Variants in HPS3 observed in about 807,000 individuals in gnomAD.
HPS3 encodes the protein HPS3 biogenesis of lysosomal organelles complex 2 subunit 1, also known as BLOC-2 complex member HPS3.
In HPS3, 79 loss-of-function variants were observed where a neutral mutation model predicts 110.9. The observed-to-expected ratio is 0.71, with a 90% CI of 0.59 to 0.86. The LOEUF (loss-of-function observed/expected upper bound fraction) is 0.86. Ranked by LOEUF, HPS3 falls within the 40% of genes least tolerant of loss-of-function variation. HPS3 has a pLI of 0.00. For missense variants in HPS3, 1,197 were observed against 1,206.2 expected (o/e 0.99, Z 0.11); for synonymous variants, 428 against 451.0 (o/e 0.95, Z 0.65).
In HPS3 at chr3:149,140,093, C is replaced by T. The variant is rs541164156; in HGVS notation, c.307C>T (p.Arg103Cys). The T allele has an allele frequency of 1.4e-5, 22 of 1,613,104 alleles. No homozygotes were observed. The highest frequency in any genetic ancestry group is 5.3e-5 in the African/African-American group (4 of 74,938). The part of the protein sequence containing the change: ...NWRNKRTENS[R>C]VCIRMIGHNV... Reference sequence around the variant, plus strand: ...GAGAAATAAAAGGACTGAAAACTCTCGTGTGTGTATCCGAATGATTGGGCA... The same window carrying T: ...GAGAAATAAAAGGACTGAAAACTCTTGTGTGTGTATCCGAATGATTGGGCA... The change falls in exon 2 of 17, where the codon CGT becomes TGT. Residue 103 changes from arginine (R) to cysteine (C), a missense_variant. Coordinates refer to ENST00000296051, the MANE Select transcript of HPS3 (RefSeq NM_032383.5).
rs1301856469 is a variant in HPS3 at position 149,158,711 on chromosome 3, G to A, written c.1737G>A (p.Met579Ile). 1.5e-5 allele frequency: 24 copies of A among 1,613,660 alleles called. No homozygotes were observed. Among genetic ancestry groups the A allele is most frequent in the Non-Finnish European group, 1.7e-5 (20 of 1,179,784 alleles). The change falls in exon 10 of 17, where the codon ATG (methionine) becomes ATA (isoleucine). Residue 579 changes from methionine to isoleucine, a missense_variant. Physicochemically the swap from Met to Ile is conservative, Grantham distance 10 (BLOSUM62 1). Transcript: ENST00000296051. ...HSHLTLPYYK[M>I]SGLSMAEVLA... ...ATCTCACCTTGCCATACTATAAGAT[G>A]TCTGGTTTGTCTATGGCTGAAGTTC...
intron 5 of HPS3, among the ~76,000 whole-genome samples, chr3:149,149,378 G>T (rs896075338): frequency 1.3e-5 from 2 of 151,958 alleles, no homozygotes; most frequent in South Asian, 4.1e-4. Context: ...CTCTCTCTCA[G>T]TTTACTTCCC....
At position 149,163,922 on chromosome 3, in the gene HPS3, T is replaced by C. The variant is rs139697700; in HGVS notation, c.2562T>C (p.Asn854=). 194 of 1,555,672 alleles carry C rather than the reference T, an allele frequency of 1.2e-4. No homozygotes were observed. The highest frequency in any genetic ancestry group is 9.9e-5 in the Non-Finnish European group (112 of 1,126,792). ...CATCTGATTCTTTAGCTGATAAAAA[T>C]TATACAGAAGATCTTTCAAAATTAC... is the stretch of plus-strand genomic sequence containing the variant. ...VISSDSLADK[N]YTEDLSKLQS... is the part of the protein sequence containing the mutation. Residue 854 remains asparagine, a synonymous_variant, in exon 14 of 17, where the codon AAT becomes AAC. Coordinates refer to ENST00000296051, the MANE Select transcript of HPS3 (RefSeq NM_032383.5).
chr3:149,153,289 C>T (rs1576681380), intron 6 of HPS3, among the ~76,000 whole-genome samples: 1 of 152,124 alleles, frequency 6.6e-6, no homozygotes, highest in Admixed American at 6.5e-5. Context: ...ATGGAATACA[C>T]TATTGGTTAC....
In HPS3 at chr3:149,140,251, A is replaced by C; in HGVS notation, c.465A>C (p.Lys155Asn). 1 of 1,614,226 alleles carries C rather than the reference A, an allele frequency of 6.2e-7. No individual in the cohort carries two copies. The highest frequency in any genetic ancestry group is 8.5e-7 in the Non-Finnish European group (1 of 1,180,016). The change falls in exon 2 of 17, where the codon AAA (lysine) becomes AAC (asparagine). Residue 155 changes from lysine to asparagine, a missense_variant. Lys to Asn is a moderately conservative substitution (Grantham distance 94, BLOSUM62 0). Coordinates refer to ENST00000296051, the MANE Select transcript of HPS3 (RefSeq NM_032383.5). ...KGDLLVGCTN[K>N]LVLFSLKYQI... ...ACCTTCTCGTTGGCTGCACAAATAA[A>C]TTAGTCTTATTTAGTTTGAAGTACC...
Position 149,162,694 on chromosome 3 carries a change from T to C in HPS3, c.2297T>C (p.Leu766Pro). ...IEEADSFFKV[L>P]CAKDEDTIPQ... The stretch of plus-strand genomic sequence containing the variant: ...GCTCCTTTTACTGTTTTTAAGGTGC[T>C]TTGTGCTAAGGATGAAGATACAATT... Residue 766 changes from leucine to proline, a missense_variant, in exon 13 of 17, where the codon CTT (leucine) becomes CCT (proline). Leu to Pro is a moderately conservative substitution (Grantham distance 98). Coordinates refer to ENST00000296051, the MANE Select transcript of HPS3 (RefSeq NM_032383.5). 3.7e-6 allele frequency: 6 copies of C among 1,614,018 alleles called. No homozygotes were observed. The highest frequency in any genetic ancestry group is 5.1e-6 in the Non-Finnish European group (6 of 1,179,924).
At chr3:149,141,531 GTTTTTTTTTTTTTTTTT>G (rs10718838) in intron 4 of HPS3, 151 bp downstream of exon 4, 1 of 360,914 alleles carries the variant, frequency 2.8e-6, no homozygotes, top group Admixed American at 4.9e-5. Flanking sequence ...TTTTTTTTTT[GTTTTTTTTTTTTTTTTT>G]TTTTGAGACT....
At position 149,172,336 on chromosome 3, in the gene HPS3, A is replaced by T; in HGVS notation, c.*114A>T. 4.3e-6 allele frequency: 3 copies of T among 696,800 alleles called. No individual in the cohort carries two copies. The highest frequency in any genetic ancestry group is 1.6e-5 in the South Asian group (1 of 61,700). The allele number at this position is 696,800 out of a possible 1,614,324, so 43.2% of individuals were successfully genotyped here. On this transcript the variant is annotated 3_prime_UTR_variant, in exon 17 of 17. Coordinates refer to ENST00000296051, the MANE Select transcript of HPS3 (RefSeq NM_032383.5). ...TTATATATCACACACACACACACAC[A>T]CACACACACACACACACACATATAT...
Position 149,157,536 on chromosome 3 carries a change from G to A in HPS3, c.1691+5G>A, listed in dbSNP as rs570420255. 4 of 1,613,260 alleles carry A rather than the reference G, an allele frequency of 2.5e-6. No individual in the cohort carries two copies. The highest frequency in any genetic ancestry group is 4.5e-5 in the East Asian group (2 of 44,868). On this transcript the variant is annotated splice_donor_5th_base_variant and intron_variant, in intron 9 of 16. Coordinates refer to ENST00000296051, the MANE Select transcript of HPS3 (RefSeq NM_032383.5). ...CCTTGGGGACTGTTACAGCAGGTGG[G>A]TGACACCTCTTGGAACCTTGTTACA...
Position 149,129,798 on chromosome 3 carries a change from C to T in HPS3, c.75C>T (p.Phe25=), listed in dbSNP as rs2108111962. Residue 25 remains phenylalanine, a synonymous_variant, in exon 1 of 17, where the codon TTC becomes TTT. Transcript: ENST00000296051. The stretch of plus-strand genomic sequence containing the variant: ...CCTGCAAGCTGGAGCCGGACCGGTT[C>T]TGTGGCGGGGGGCGTGACGCGCTTT... The part of the protein sequence containing the change: ...VVPCKLEPDR[F]CGGGRDALFV... The T allele has an allele frequency of 1.2e-5, 19 of 1,609,152 alleles. No individual in the cohort carries two copies. The highest frequency in any genetic ancestry group is 1.6e-5 in the Non-Finnish European group (19 of 1,179,292).
chr3:149,143,841 C>A (rs1722630379), intron 4 of HPS3, among the ~76,000 whole-genome samples: 1 of 152,092 alleles, frequency 6.6e-6, no homozygotes, highest in East Asian at 1.9e-4. Flanking sequence ...AATTGGTGTC[C>A]TTCAAGGGTG....
intron 4 of HPS3, 101 bp downstream of exon 4, chr3:149,141,481 G>A (rs927381356): frequency 1.1e-6 from 1 of 915,840 alleles, no homozygotes; most frequent in South Asian, 1.3e-5. Flanking sequence ...TGGTGGTTTG[G>A]TTCTTCCACT....
chr3:149,148,397 G>T (rs1576675355), intron 5 of HPS3, among the ~76,000 whole-genome samples: 2 of 119,234 alleles, frequency 1.7e-5, no homozygotes, highest in African/African-American at 6.4e-5. Context: ...AGCATATCAA[G>T]ACTTTTTTTT....
intron 16 of HPS3, among the ~76,000 whole-genome samples, chr3:149,168,792 T>C (rs1297541819): frequency 1.3e-5 from 2 of 152,210 alleles, no homozygotes; most frequent in African/African-American, 4.8e-5. Flanking sequence ...AAGTGTCAGA[T>C]GTCTGATTAC....
chr3:149,158,174 G>A (rs1048025535), intron 9 of HPS3, among the ~76,000 whole-genome samples: 12 of 152,110 alleles, frequency 7.9e-5, no homozygotes, highest in African/African-American at 2.7e-4. Flanking sequence ...TGAGAGTAAT[G>A]TTTACAAATT....
chr3:149,131,463 A>ATTGTATCT (rs1457940490), intron 1 of HPS3, among the ~76,000 whole-genome samples: 1 of 152,142 alleles, frequency 6.6e-6, no homozygotes, highest in East Asian at 1.9e-4. Context: ...TATCATAATT[A>ATTGTATCT]TTGTATCTAT....
intron 16 of HPS3, 74 bp from the exon 17 acceptor site, chr3:149,172,021 T>G (rs1446337787): frequency 2.0e-6 from 3 of 1,497,168 alleles, no homozygotes; most frequent in Non-Finnish European, 2.8e-6. Flanking sequence ...GGCTTCTAAT[T>G]GGTTGGTTAA....
At chr3:149,151,183 G>GTAT (rs11375532) in intron 6 of HPS3, among the ~76,000 whole-genome samples, 169 of 147,556 alleles carry the variant, frequency 1.1e-3, no homozygotes, top group Middle Eastern at 3.5e-3. Context: ...GATTCTTTTT[G>GTAT]TATTATTATT....
intron 7 of HPS3, 98 bp downstream of exon 7, chr3:149,153,746 T>A: frequency 8.0e-7 from 1 of 1,251,634 alleles, no homozygotes; most frequent in Non-Finnish European, 1.2e-6. Context: ...TAACTTGGAA[T>A]GATCAAATGG....
Sources: gnomAD v4.1 joint callset for allele counts (sites outside exome capture counted in the v4.1 genomes callset) on GRCh38, gnomAD v4.1.1 for gene constraint, MANE v1.5 for transcripts, NCBI Gene and HGNC (gene_info 2026-07-23, HGNC 2026-07-21) for gene names.